MIOS: variants seen among roughly 807,000 people sequenced by gnomAD.
MIOS encodes GATOR2 complex protein MIOS.
Under a neutral mutation model 96.9 loss-of-function variants are expected in MIOS, and 52 were observed. That is an observed-to-expected ratio of 0.54 (90% CI 0.43 to 0.68). MIOS has a LOEUF of 0.68. Ranked by LOEUF, MIOS falls within the 30% of genes least tolerant of loss-of-function variation. MIOS has a pLI of 0.00. For synonymous variants in MIOS, 397 were observed against 359.5 expected (o/e 1.10, Z -1.18); for missense variants, 1,005 against 1,052.8 (o/e 0.95, Z 0.63).
At position 7,583,486 on chromosome 7, in the gene MIOS, A is replaced by G. The variant is rs1182805288; in HGVS notation, c.1648+114A>G. ...AAATATCTAATCACTTAAAATTTTA[A>G]TTTAATTTTTGTTGGAGGAGAAAAC... On this transcript the variant is annotated intron_variant, in intron 6 of 12. Transcript: ENST00000340080. 9.1e-6 allele frequency: 11 copies of G among 1,207,246 alleles called. No individual in the cohort carries two copies. In the Admixed American group the frequency reaches 9.5e-5, roughly 10 times the overall value. The allele number at this position is 1,207,246 out of a possible 1,614,324, so 74.8% of individuals were successfully genotyped here.
At chr7:7,586,986 CCCTT>C (rs1317950442) in intron 7 of MIOS, among the ~76,000 whole-genome samples, 3 of 61,618 alleles carry the variant, frequency 4.9e-5, no homozygotes, top group African/African-American at 2.0e-4. Context: ...ACTTTTCTTT[CCCTT>C]TTTTTTTTTT....
chr7:7,608,874 G>A lies in MIOS; in HGVS notation c.*1782G>A, dbSNP rs1784595900. On this transcript the variant is annotated 3_prime_UTR_variant, in exon 13 of 13. Coordinates refer to ENST00000340080, the MANE Select transcript of MIOS (RefSeq NM_019005.4). ...ATTTGTAATCCTAATATATGAGGGT[G>A]ACATTTTTAAGATTGTATGTATGTG... 6.6e-6 allele frequency: 1 copy of A among 152,016 alleles called. No homozygotes were observed. The highest frequency in any genetic ancestry group is 1.5e-5 in the Non-Finnish European group (1 of 67,902). The allele number at this position is 152,016 out of a possible 1,614,324, so 9.4% of individuals were successfully genotyped here. A position where few individuals can be genotyped will look rare whatever the true frequency, so the allele number is the denominator to read the frequency against.
At chr7:7,579,901 A>T (rs75017911) in intron 5 of MIOS, among the ~76,000 whole-genome samples, 13 of 152,210 alleles carry the variant, frequency 8.5e-5, no homozygotes, top group Non-Finnish European at 1.5e-4. Flanking sequence ...ATGTATCCCT[A>T]CTGTTAATCA....
chr7:7,572,412 CTT>C lies in MIOS; in HGVS notation c.-40-20_-40-19del. The C allele has an allele frequency of 3.2e-6, 4 of 1,263,478 alleles. No homozygotes were observed. The highest frequency in any genetic ancestry group is 4.3e-6 in the Non-Finnish European group (4 of 921,866). The allele number at this position is 1,263,478 out of a possible 1,614,324, so 78.3% of individuals were successfully genotyped here. A position where few individuals can be genotyped will look rare whatever the true frequency, so the allele number is the denominator to read the frequency against. Reference sequence around the variant, plus strand: ...ATTATATTTTGCTGATATTTTAAAACTTTTTATTTTTAAACATTTTCAGTGAA... The same window carrying C: ...ATTATATTTTGCTGATATTTTAAAACTTTATTTTTAAACATTTTCAGTGAA... On this transcript the variant is annotated intron_variant, in intron 3 of 12. Coordinates refer to ENST00000340080, the MANE Select transcript of MIOS (RefSeq NM_019005.4). This position sits in a 1 kb window ranked among gnomAD's most constrained non-coding sequence, Gnocchi z 4.8.
chr7:7,595,260 T>G, intron 10 of MIOS, 128 bp downstream of exon 10: 1 of 1,017,518 alleles, frequency 9.8e-7, no homozygotes, highest in Non-Finnish European at 1.4e-6. Flanking sequence ...TAGACTGAAC[T>G]TTGTCCTTGA....
intron 9 of MIOS, among the ~76,000 whole-genome samples, chr7:7,593,827 C>T (rs558836254): frequency 3.6e-5 from 5 of 139,510 alleles, no homozygotes; most frequent in Non-Finnish European, 6.0e-5. Flanking sequence ...TGCAGTGAGC[C>T]GAGATCGTGC....
intron 6 of MIOS, among the ~76,000 whole-genome samples, chr7:7,584,739 G>A (rs975663489): frequency 6.6e-6 from 1 of 152,130 alleles, no homozygotes; most frequent in Non-Finnish European, 1.5e-5. Flanking sequence ...TATATAATAA[G>A]TGTAGAAAAT....
rs1783161336 is a variant in MIOS at position 7,567,033 on chromosome 7, G to T, written c.-260G>T. 6.6e-6 allele frequency: 1 copy of T among 151,938 alleles called. No homozygotes were observed. The highest frequency in any genetic ancestry group is 2.1e-4 in the South Asian group (1 of 4,838). The allele number at this position is 151,938 out of a possible 1,614,324, so 9.4% of individuals were successfully genotyped here. A position where few individuals can be genotyped will look rare whatever the true frequency, so the allele number is the denominator to read the frequency against. On this transcript the variant is annotated 5_prime_UTR_variant, in exon 1 of 13. Coordinates refer to ENST00000340080, the MANE Select transcript of MIOS (RefSeq NM_019005.4). ...CCTGCGGCGGGCGGGGCGGTGTCCC[G>T]GCCGGAAGCGGCTGTGCGGCGGCCG...
At chr7:7,593,164 A>G (rs780074506) in intron 9 of MIOS, among the ~76,000 whole-genome samples, 26 of 152,102 alleles carry the variant, frequency 1.7e-4, no homozygotes, top group Non-Finnish European at 3.2e-4. Context: ...TTTTCTGTGA[A>G]TTTTCTTTTT....
intron 5 of MIOS, among the ~76,000 whole-genome samples, chr7:7,578,398 C>T (rs754683007): frequency 6.6e-5 from 10 of 152,094 alleles, no homozygotes; most frequent in Non-Finnish European, 1.5e-4. Context: ...AAAGAGTAAA[C>T]TCTACAGTTC....
chr7:7,578,200 T>C (rs748247850), intron 5 of MIOS, among the ~76,000 whole-genome samples: 24 of 152,152 alleles, frequency 1.6e-4, no homozygotes, highest in Non-Finnish European at 3.2e-4. Flanking sequence ...GTTTATTGAA[T>C]GGGCTAAGTG....
chr7:7,567,428 G>GCCCTGTTCCCGTTGTA (rs1783181873), intron 1 of MIOS, 179 bp from the exon 2 acceptor site: 1 of 152,020 alleles, frequency 6.6e-6, no homozygotes, highest in East Asian at 1.9e-4. Flanking sequence ...ATAGCAACGT[G>GCCCTGTTCCCGTTGTA]CCCTGTTCCC....
rs200446378 is a variant in MIOS at position 7,570,128 on chromosome 7, A to G, written c.-41+2005A>G. Among the ~76,000 whole-genome samples the G allele has an allele frequency of 1.6e-4, 25 of 152,356 alleles. No individual in the cohort carries two copies. The East Asian group carries it at 3.1e-3, about 19-fold the overall frequency. On this transcript the variant is annotated intron_variant, in intron 3 of 12. Transcript: ENST00000340080. ...GGACCAGGGGAAAGATGAATAAAAG[A>G]AAAGCCTCCAGCACCACACACCAGA...
intron 11 of MIOS, among the ~76,000 whole-genome samples, chr7:7,597,663 CATAT>C (rs1465765958): frequency 7.0e-6 from 1 of 143,364 alleles, no homozygotes; most frequent in Non-Finnish European, 1.6e-5. Context: ...GGAATATATA[CATAT>C]ACACACACAC....
At chr7:7,596,892 C>T (rs1040356971) in intron 11 of MIOS, among the ~76,000 whole-genome samples, 1 of 152,112 alleles carries the variant, frequency 6.6e-6, no homozygotes, top group African/African-American at 2.4e-5. Context: ...CAAAACCTAC[C>T]TATAAAATAC....
At chr7:7,587,738 A>G (rs1379328740) in intron 7 of MIOS, among the ~76,000 whole-genome samples, 1 of 152,162 alleles carries the variant, frequency 6.6e-6, no homozygotes, top group African/African-American at 2.4e-5. Context: ...ATATGCTAAG[A>G]TATAGGTATC....
In MIOS at chr7:7,595,082, T is replaced by C; in HGVS notation, c.2146T>C (p.Phe716Leu). ...GAGGTTTTGGCATAAACGAGCTGAA[T>C]TTGATATTCACAGGAGTAAGTTGGA... ...AWRFWHKRAE[F>L]DIHRSKLDPS... is the part of the protein sequence containing the mutation. Residue 716 changes from phenylalanine (F) to leucine (L), a missense_variant, in exon 10 of 13, where the codon TTT becomes CTT. Phe to Leu is a conservative substitution (Grantham distance 22). This residue lies in a region of MIOS where 865 missense variants were observed against 887.9 expected (regional missense o/e 0.97). Coordinates refer to ENST00000340080, the MANE Select transcript of MIOS (RefSeq NM_019005.4). 2 of 1,614,106 alleles carry C rather than the reference T, an allele frequency of 1.2e-6. No homozygotes were observed. The highest frequency in any genetic ancestry group is 1.7e-6 in the Non-Finnish European group (2 of 1,179,974).
intron 6 of MIOS, 115 bp downstream of exon 6, chr7:7,583,487 T>A (rs1425276664): frequency 8.3e-7 from 1 of 1,205,484 alleles, no homozygotes. Context: ...AAAATTTTAA[T>A]TTAATTTTTG....
chr7:7,596,188 C>A, intron 10 of MIOS, 69 bp from the exon 11 acceptor site: 1 of 1,320,044 alleles, frequency 7.6e-7, no homozygotes, highest in Non-Finnish European at 1.1e-6. Context: ...TTGTTAGGCG[C>A]ACACTAAGTT....
Sources: allele counts gnomAD v4.1 joint callset (sites outside exome capture counted in the v4.1 genomes callset), GRCh38; gene constraint gnomAD v4.1.1; regional missense constraint gnomAD v4.1.1; non-coding constraint Gnocchi (gnomAD v3.1); transcripts MANE v1.5; gene names NCBI Gene and HGNC (gene_info 2026-07-23, HGNC 2026-07-21).